LRRC37A: variants seen among roughly 807,000 people sequenced by gnomAD.
The protein encoded by LRRC37A is leucine rich repeat containing 37A, also known as leucine-rich repeat-containing protein 37A.
Under a neutral mutation model 35.4 loss-of-function variants are expected in LRRC37A, and 3 were observed. That is an observed-to-expected ratio of 0.08 (90% confidence interval 0.04 to 0.22). The LOEUF (loss-of-function observed/expected upper bound fraction) is 0.22. Among genes scored for constraint, LRRC37A ranks in the 10% least tolerant of loss-of-function variants. LRRC37A has a pLI of 1.00. For missense variants in LRRC37A, 67 were observed against 565.3 expected, an observed-to-expected ratio of 0.12 and a Z score of 8.94; for synonymous variants, 23 against 215.0, an observed-to-expected ratio of 0.11 and a Z score of 7.81.
chr17:46,248,758 G>A, the LRRC37A span, among the ~76,000 whole-genome samples: 1 of 151,962 alleles, frequency 6.6e-6, no homozygotes, highest in Non-Finnish European at 1.5e-5. Flanking sequence ...GACCTCAAGT[G>A]ATCCGCCCGC....
chr17:46,257,946 G>A, the LRRC37A span, among the ~76,000 whole-genome samples: 14 of 152,318 alleles, frequency 9.2e-5, no homozygotes, highest in Non-Finnish European at 1.8e-4. Flanking sequence ...GTTCTCTTGG[G>A]ATGTTTCAGT....
At chr17:46,257,501 A>C in the LRRC37A span, among the ~76,000 whole-genome samples, 1 of 149,848 alleles carries the variant, frequency 6.7e-6, no homozygotes, top group South Asian at 2.1e-4. Flanking sequence ...AAAGAAAAAA[A>C]TAATAAAATT....
At chr17:46,261,845 C>A in the LRRC37A span, among the ~76,000 whole-genome samples, 1 of 152,020 alleles carries the variant, frequency 6.6e-6, no homozygotes, top group Non-Finnish European at 1.5e-5. Context: ...ACATTATTCT[C>A]CATAACTTTT....
chr17:46,255,680 T>C, the LRRC37A span, among the ~76,000 whole-genome samples: 1 of 145,586 alleles, frequency 6.9e-6, no homozygotes, highest in Non-Finnish European at 1.5e-5. Flanking sequence ...AATTGTTTTT[T>C]GTTTTTTTTT....
the LRRC37A span, among the ~76,000 whole-genome samples, chr17:46,272,695 C>T: frequency 9.6e-3 from 1,467 of 152,300 alleles, 29 homozygotes; most frequent in African/African-American, 0.03. Context: ...GGGTTACAGG[C>T]GTGGGCCACC....
chr17:46,250,546 A>G, the LRRC37A span, among the ~76,000 whole-genome samples: 2 of 152,232 alleles, frequency 1.3e-5, no homozygotes, highest in Non-Finnish European at 2.9e-5. Context: ...TTAGCCTCCC[A>G]GCCAACATCT....
the LRRC37A span, among the ~76,000 whole-genome samples, chr17:46,250,968 G>A: frequency 1.3e-5 from 2 of 152,060 alleles, no homozygotes; most frequent in East Asian, 3.9e-4. Context: ...CTGTTGCCAA[G>A]GCTGGATTGT....
chr17:46,275,826 C>A, the LRRC37A span, among the ~76,000 whole-genome samples: 1 of 151,900 alleles, frequency 6.6e-6, no homozygotes, highest in Non-Finnish European at 1.5e-5. Flanking sequence ...AAAGAAAAAG[C>A]AATTTTAAAA....
the LRRC37A span, among the ~76,000 whole-genome samples, chr17:46,250,153 A>C: frequency 1.3e-5 from 2 of 152,064 alleles, no homozygotes; most frequent in Non-Finnish European, 2.9e-5. Flanking sequence ...TTGGTCTCAA[A>C]CTCCTGACCT....
upstream of LRRC37A, among the ~76,000 whole-genome samples, chr17:46,291,985 A>AAAAAAAAAAAAAAAAAAC (rs1360524355): frequency 8.4e-4 from 64 of 76,578 alleles, 3 homozygotes; most frequent in Non-Finnish European, 1.2e-3. Context: ...AAAAAAAAAA[A>AAAAAAAAAAAAAAAAAAC]AAGCCAATAA....
At chr17:46,293,120 AT>A (rs1337402424), upstream of LRRC37A, 28 of 35,738 alleles carry the variant, frequency 7.8e-4, 6 homozygotes, top group African/African-American at 1.9e-3. Context: ...CACTCAGCTA[AT>A]TTTTGTATTT....
chr17:46,254,939 G>A, the LRRC37A span, among the ~76,000 whole-genome samples: 7,353 of 151,760 alleles, frequency 0.048, 898 homozygotes, highest in East Asian at 0.42. Context: ...GGGTTCAAGC[G>A]ATTCTCCTGC....
chr17:46,272,226 T>C, the LRRC37A span, among the ~76,000 whole-genome samples: 19 of 152,364 alleles, frequency 1.2e-4, no homozygotes, highest in Non-Finnish European at 2.2e-4. Flanking sequence ...GCAAATTAAA[T>C]ATATTTACAA....
upstream of LRRC37A, among the ~76,000 whole-genome samples, chr17:46,289,701 G>A (rs554963370): frequency 9.9e-5 from 15 of 152,070 alleles, 1 homozygote; most frequent in African/African-American, 3.4e-4. Flanking sequence ...TTCCCAAAAC[G>A]TTTCATCATG....
chr17:46,275,290 T>C, the LRRC37A span: 3 of 631,834 alleles, frequency 4.7e-6, no homozygotes, highest in South Asian at 3.5e-5. Flanking sequence ...CTTGTCAGGA[T>C]AGCCTCACTA....
the LRRC37A span, among the ~76,000 whole-genome samples, chr17:46,283,140 G>A: frequency 6.6e-6 from 1 of 152,056 alleles, no homozygotes; most frequent in South Asian, 2.1e-4. Context: ...TAAAATAACC[G>A]AGTATGCACA....
At chr17:46,324,148 G>T (rs1425762389) in intron 7 of LRRC37A, among the ~76,000 whole-genome samples, 1 of 119,944 alleles carries the variant, frequency 8.3e-6, no homozygotes, top group Admixed American at 8.5e-5. Flanking sequence ...GCACATGCCT[G>T]TAATCCCAGC....
chr17:46,289,369 T>C (rs62073174), upstream of LRRC37A, among the ~76,000 whole-genome samples: 4 of 150,512 alleles, frequency 2.7e-5, no homozygotes, highest in African/African-American at 4.8e-5. Context: ...AGATGGAGTC[T>C]TGCTGTGTTG....
the LRRC37A span, among the ~76,000 whole-genome samples, chr17:46,283,980 C>A: frequency 2.0e-5 from 3 of 152,256 alleles, no homozygotes; most frequent in Non-Finnish European, 4.4e-5. Context: ...TGGCTGCCCG[C>A]GTGTCCCACC....
Sources: gnomAD v4.1 joint callset for allele counts (sites outside exome capture counted in the v4.1 genomes callset) on GRCh38, gnomAD v4.1.1 for gene constraint, MANE v1.5 for transcripts, NCBI Gene and HGNC (gene_info 2026-07-23, HGNC 2026-07-21) for gene names.